ASH1L: variants seen among roughly 807,000 people sequenced by gnomAD.
The protein encoded by ASH1L is histone-lysine N-methyltransferase ASH1L.
A neutral mutation model predicts 269.0 loss-of-function variants in ASH1L; 23 were observed. The observed-to-expected ratio is 0.09, with a 90% confidence interval of 0.06 to 0.12. The LOEUF is 0.12. ASH1L is among the 10% of genes least tolerant of loss of function. The probability of loss-of-function intolerance (pLI) is 1.00; values close to 1 mark genes in which losing one functional copy is unlikely to be tolerated. For synonymous variants in ASH1L, 1,187 were observed against 1,253.5 expected (o/e 0.95, Z 1.12); for missense variants, 2,912 against 3,567.8 (o/e 0.82, Z 4.68).
chr1:155,470,086 T>A (rs1190154396), intron 3 of ASH1L, among the ~76,000 whole-genome samples: 1 of 152,052 alleles, frequency 6.6e-6, no homozygotes, highest in Non-Finnish European at 1.5e-5. Context: ...AATTCAAAAC[T>A]CCCTCCTCCT....
intron 20 of ASH1L, among the ~76,000 whole-genome samples, chr1:155,347,388 C>G (rs188701436): frequency 6.6e-6 from 1 of 151,586 alleles, no homozygotes; most frequent in East Asian, 1.9e-4. Context: ...GTGTGGATGA[C>G]AGAGCAAGAT....
At chr1:155,452,041 A>C (rs972134744) in intron 4 of ASH1L, among the ~76,000 whole-genome samples, 1 of 146,000 alleles carries the variant, frequency 6.8e-6, no homozygotes, top group Non-Finnish European at 1.5e-5. Context: ...TTAAGATGGT[A>C]ATTTTTTTTT....
intron 2 of ASH1L, among the ~76,000 whole-genome samples, chr1:155,498,293 A>T (rs1570988999): frequency 6.6e-6 from 1 of 152,110 alleles, no homozygotes; most frequent in Admixed American, 6.5e-5. Context: ...TTAAAAAAAA[A>T]CTGTAGAGAA....
At chr1:155,432,175 A>T (rs747770669) in intron 5 of ASH1L, among the ~76,000 whole-genome samples, 6 of 152,156 alleles carry the variant, frequency 3.9e-5, no homozygotes, top group African/African-American at 7.2e-5. Context: ...TTTTGACCAC[A>T]AAAGCTTTCT....
At chr1:155,371,789 G>A (rs897593282) in intron 10 of ASH1L, among the ~76,000 whole-genome samples, 22 of 151,218 alleles carry the variant, frequency 1.5e-4, no homozygotes, top group African/African-American at 5.3e-4. Flanking sequence ...CGCTTCCCAG[G>A]TTCAAGAGAT....
intron 1 of ASH1L, among the ~76,000 whole-genome samples, chr1:155,533,256 C>T (rs1287621726): frequency 6.6e-6 from 1 of 151,936 alleles, no homozygotes; most frequent in Non-Finnish European, 1.5e-5. Context: ...AAGCTCTATG[C>T]CAAATGTTTT....
chr1:155,459,321 A>C (rs1664115018), intron 4 of ASH1L, among the ~76,000 whole-genome samples: 1 of 151,722 alleles, frequency 6.6e-6, no homozygotes, highest in African/African-American at 2.4e-5. Context: ...TCAGCCTCCC[A>C]AGTAGCTGGG....
chr1:155,552,139 C>T (rs1212608189), intron 1 of ASH1L, among the ~76,000 whole-genome samples: 1 of 152,066 alleles, frequency 6.6e-6, no homozygotes, highest in Admixed American at 6.6e-5. Context: ...ATCCCAGTAC[C>T]TAGAATAGTG....
intron 2 of ASH1L, among the ~76,000 whole-genome samples, chr1:155,492,590 T>C (rs1666882194): frequency 6.6e-6 from 1 of 152,174 alleles, no homozygotes; most frequent in African/African-American, 2.4e-5. Context: ...TAATGTAATG[T>C]AATAACATAC....
At chr1:155,543,703 GGGAGGGTGACCTGAGGCCA>G (rs1670600554) in intron 1 of ASH1L, among the ~76,000 whole-genome samples, 1 of 151,862 alleles carries the variant, frequency 6.6e-6, no homozygotes, top group Non-Finnish European at 1.5e-5. Context: ...AGGCTGAGGT[GGGAGGGTGACCTGAGGCCA>G]GGAGTTCAAG....
At chr1:155,382,393 G>A (rs989719102) in intron 7 of ASH1L, among the ~76,000 whole-genome samples, 5 of 152,148 alleles carry the variant, frequency 3.3e-5, no homozygotes, top group African/African-American at 9.7e-5. Context: ...AGCTACTCGG[G>A]AGGCTGAGGC....
chr1:155,472,483 C>G (rs1391885282), intron 3 of ASH1L, among the ~76,000 whole-genome samples: 1 of 152,148 alleles, frequency 6.6e-6, no homozygotes, highest in African/African-American at 2.4e-5. Flanking sequence ...CATTCAACAT[C>G]CTAACCTGTC....
In ASH1L at chr1:155,562,568, C is replaced by T. The variant is rs1489201836; in HGVS notation, c.-515G>A. 2.6e-6 allele frequency: 4 copies of T among 1,529,596 alleles called. No homozygotes were observed. In the South Asian group the frequency reaches 4.8e-5, roughly 18 times the overall value. 94.8% of individuals were successfully genotyped at this position (1,529,596 alleles called of 1,614,324 possible). A position where few individuals can be genotyped will look rare whatever the true frequency, so the allele number is the denominator to read the frequency against. On this transcript the variant is annotated 5_prime_UTR_variant, in exon 1 of 28. Coordinates refer to ENST00000392403, the MANE Select transcript of ASH1L (RefSeq NM_018489.3). ...CGTTCTTTCCCACCGTCCCCCGCTC[C>T]GCCCGACTCCGTCCGCGTAGCGCGC...
intron 1 of ASH1L, among the ~76,000 whole-genome samples, chr1:155,557,323 C>T (rs1440116130): frequency 5.3e-5 from 8 of 151,754 alleles, no homozygotes; most frequent in African/African-American, 1.5e-4. Flanking sequence ...AGTGCAGTGG[C>T]GCAGTCTTGG....
At chr1:155,463,126 G>A (rs1664426742) in intron 3 of ASH1L, among the ~76,000 whole-genome samples, 1 of 152,174 alleles carries the variant, frequency 6.6e-6, no homozygotes, top group Admixed American at 6.5e-5. Context: ...ACGCCAATTT[G>A]CAGTTGGGCT....
intron 13 of ASH1L, among the ~76,000 whole-genome samples, chr1:155,358,150 T>A (rs1654581879): frequency 6.6e-6 from 1 of 152,090 alleles, no homozygotes; most frequent in African/African-American, 2.4e-5. Context: ...ACATTAAGTA[T>A]AAATCAAGAA....
At chr1:155,376,060 C>T (rs756155726) in intron 10 of ASH1L, among the ~76,000 whole-genome samples, 2 of 149,220 alleles carry the variant, frequency 1.3e-5, no homozygotes. Flanking sequence ...GCTGTGATGG[C>T]GACACTGCAC....
chr1:155,490,395 TG>T (rs1666680967), intron 2 of ASH1L, among the ~76,000 whole-genome samples: 1 of 151,388 alleles, frequency 6.6e-6, no homozygotes. Context: ...GTGGATAATT[TG>T]AGGTCAGGAG....
Position 155,439,002 on chromosome 1 carries a change from A to G in ASH1L, c.5153T>C (p.Leu1718Pro). The change falls in exon 5 of 28, where the codon CTG becomes CCG. Residue 1718 changes from leucine (L) to proline (P), a missense_variant. By Grantham distance (98) the Leu-to-Pro change is moderately conservative. Coordinates refer to ENST00000392403, the MANE Select transcript of ASH1L (RefSeq NM_018489.3). ...GTCCTCATTTTGTACCATCCGCTGC[A>G]GCAGACTATCCACAGAGTCATCCCC... ...ASGDDSVDSLLQRMVQNEDQE... is the reference protein window; with the variant it reads ...ASGDDSVDSLPQRMVQNEDQE... The G allele has an allele frequency of 6.2e-7, 1 of 1,614,218 alleles. No individual in the cohort carries two copies. Among genetic ancestry groups the G allele is most frequent in the South Asian group, 1.1e-5 (1 of 91,088 alleles).
Sources: gnomAD v4.1 joint callset for allele counts (sites outside exome capture counted in the v4.1 genomes callset) on GRCh38, gnomAD v4.1.1 for gene constraint, MANE v1.5 for transcripts, NCBI Gene and HGNC (gene_info 2026-07-23, HGNC 2026-07-21) for gene names.